The following CCDC7 variants were observed in gnomAD, a reference collection of about 807,000 sequenced individuals.
CCDC7 encodes the protein coiled-coil domain-containing protein 7.
Under a neutral mutation model 196.9 loss-of-function variants are expected in CCDC7, and 183 were observed. The observed-to-expected ratio is 0.93, with a 90% confidence interval of 0.82 to 1.05. The LOEUF is 1.05. Ranked by LOEUF, CCDC7 falls within the 50% of genes least tolerant of loss-of-function variation. CCDC7 has a pLI of 0.00. For missense variants in CCDC7, 1,540 were observed against 1,482.2 expected (o/e 1.04, Z -0.64); for synonymous variants, 525 against 484.6 (o/e 1.08, Z -1.10).
intron 8 of CCDC7, among the ~76,000 whole-genome samples, chr10:32,482,214 C>T (rs2040093816): frequency 6.6e-6 from 1 of 151,338 alleles, no homozygotes; most frequent in Non-Finnish European, 1.5e-5. Context: ...TAAATTTTTA[C>T]ATATTTAGAG....
intron 15 of CCDC7, among the ~76,000 whole-genome samples, chr10:32,571,006 C>CTTTTTT (rs376971167): frequency 1.5e-5 from 2 of 131,404 alleles, no homozygotes; most frequent in African/African-American, 2.9e-5. Context: ...GGTCACTGGC[C>CTTTTTT]TTTTTTTTTT....
At chr10:32,765,357 C>A (rs11009070) in intron 28 of CCDC7, among the ~76,000 whole-genome samples, 16,012 of 151,940 alleles carry the variant, frequency 0.11, 1,043 homozygotes, top group South Asian at 0.25. Context: ...GGAAAGGAAA[C>A]TATGGAGGGC....
intron 11 of CCDC7, among the ~76,000 whole-genome samples, chr10:32,536,452 T>A (rs953870865): frequency 6.6e-6 from 1 of 152,174 alleles, no homozygotes; most frequent in African/African-American, 2.4e-5. Context: ...TGAGTCTTGC[T>A]GTCTCACAAG....
At chr10:32,855,201 TA>T (rs1168115941) in intron 41 of CCDC7, among the ~76,000 whole-genome samples, 1 of 129,304 alleles carries the variant, frequency 7.7e-6, no homozygotes, top group Non-Finnish European at 1.9e-5. Context: ...CAGAAAAATG[TA>T]AGTTTTTTTT....
At chr10:32,655,316 A>C (rs932144718) in intron 20 of CCDC7, among the ~76,000 whole-genome samples, 2 of 152,126 alleles carry the variant, frequency 1.3e-5, no homozygotes, top group Non-Finnish European at 1.5e-5. Context: ...TTGTTCTATA[A>C]TGACTGTACA....
At chr10:32,848,134 A>G (rs1021372529) in intron 38 of CCDC7, among the ~76,000 whole-genome samples, 4 of 152,170 alleles carry the variant, frequency 2.6e-5, no homozygotes, top group Admixed American at 6.5e-5. Flanking sequence ...TATGAGGTTT[A>G]TAATTCTCTG....
At chr10:32,580,318 T>C (rs2058618229) in intron 16 of CCDC7, among the ~76,000 whole-genome samples, 1 of 152,170 alleles carries the variant, frequency 6.6e-6, no homozygotes. Flanking sequence ...TAATTTTCTT[T>C]AAGTTAATAA....
chr10:32,723,796 A>T (rs1375968780), intron 25 of CCDC7, among the ~76,000 whole-genome samples: 1 of 152,082 alleles, frequency 6.6e-6, no homozygotes, highest in Non-Finnish European at 1.5e-5. Context: ...AGCTGGGTGA[A>T]GTAACTCCAA....
intron 3 of CCDC7, among the ~76,000 whole-genome samples, chr10:32,460,416 C>A (rs2035375285): frequency 6.6e-6 from 1 of 152,062 alleles, no homozygotes; most frequent in Admixed American, 6.6e-5. Flanking sequence ...CTGTGGGTTT[C>A]CTCAGTAATT....
At chr10:32,699,248 C>A (rs534105343) in intron 24 of CCDC7, among the ~76,000 whole-genome samples, 4 of 136,078 alleles carry the variant, frequency 2.9e-5, no homozygotes, top group African/African-American at 1.1e-4. Flanking sequence ...GTTCCCCTTC[C>A]TGTGTCCATG....
At chr10:32,629,347 C>T (rs2139408523) in intron 18 of CCDC7, among the ~76,000 whole-genome samples, 1 of 152,040 alleles carries the variant, frequency 6.6e-6, no homozygotes, top group Non-Finnish European at 1.5e-5. Flanking sequence ...GGGGAGATAA[C>T]TACTGAATAT....
At position 32,528,629 on chromosome 10, in the gene CCDC7, T is replaced by C. The variant is rs564770057; in HGVS notation, c.993+10124T>C. The stretch of plus-strand genomic sequence containing the variant: ...TAGTATTCCATGGTATTCCATGGTA[T>C]ATGTATGTGTGTGTGTGTGTGTATA... On this transcript the variant is annotated intron_variant, in intron 11 of 41. Transcript: ENST00000639629. 6.5e-5 allele frequency among the ~76,000 whole-genome samples: 9 copies of C among 138,198 alleles called. No homozygotes were observed. The South Asian group carries it at 2.2e-3, about 33-fold the overall frequency. The allele number at this position is 138,198 out of a possible 152,430, so 90.7% of individuals were successfully genotyped here.
chr10:32,816,240 T>C (rs1272974631), intron 31 of CCDC7, among the ~76,000 whole-genome samples: 1 of 152,154 alleles, frequency 6.6e-6, no homozygotes, highest in Non-Finnish European at 1.5e-5. Flanking sequence ...CGCTCATTGC[T>C]AGCACAGCAG....
intron 31 of CCDC7, among the ~76,000 whole-genome samples, chr10:32,817,245 A>G (rs1300628134): frequency 3.3e-5 from 5 of 152,184 alleles, no homozygotes; most frequent in African/African-American, 1.2e-4. Context: ...CAGTGATGGA[A>G]GATCAAATGA....
At chr10:32,644,593 T>C (rs2067422986) in intron 20 of CCDC7, among the ~76,000 whole-genome samples, 1 of 152,222 alleles carries the variant, frequency 6.6e-6, no homozygotes, top group South Asian at 2.1e-4. Flanking sequence ...TCTTGAATTG[T>C]ACTCCTATAA....
chr10:32,738,543 C>T (rs1215980705), intron 28 of CCDC7, among the ~76,000 whole-genome samples: 2 of 137,758 alleles, frequency 1.5e-5, no homozygotes, highest in Non-Finnish European at 3.0e-5. Flanking sequence ...GGTGTGATCA[C>T]AGTTCACTAC....
chr10:32,623,335 A>G (rs2063610218), intron 18 of CCDC7, among the ~76,000 whole-genome samples: 1 of 151,930 alleles, frequency 6.6e-6, no homozygotes, highest in African/African-American at 2.4e-5. Context: ...GTTGGATTTT[A>G]TTTTTGTATT....
chr10:32,443,558 T>C (rs2030461914), upstream of CCDC7, among the ~76,000 whole-genome samples: 1 of 152,218 alleles, frequency 6.6e-6, no homozygotes, highest in Non-Finnish European at 1.5e-5. Context: ...TTCATTTTCA[T>C]TGTTGGAAAG....
At chr10:32,826,488 G>T (rs2091136711) in intron 32 of CCDC7, among the ~76,000 whole-genome samples, 1 of 152,226 alleles carries the variant, frequency 6.6e-6, no homozygotes, top group South Asian at 2.1e-4. Context: ...AGTGGGGCAT[G>T]CACAGCAGTA....
Sources: allele counts gnomAD v4.1 joint callset (sites outside exome capture counted in the v4.1 genomes callset), GRCh38; gene constraint gnomAD v4.1.1; transcripts MANE v1.5; gene names NCBI Gene and HGNC (gene_info 2026-07-23, HGNC 2026-07-21).